SNX3: variants seen among roughly 807,000 people sequenced by gnomAD.
The protein encoded by SNX3 is sorting nexin-3.
In SNX3, 5 loss-of-function variants were observed where a neutral mutation model predicts 17.7. The ratio of observed to expected loss-of-function variants is 0.28; its 90% CI spans 0.15 to 0.59. The LOEUF is 0.59. Among genes scored for constraint, SNX3 ranks in the 20% least tolerant of loss-of-function variants. The pLI, the probability that SNX3 is intolerant of heterozygous loss-of-function variation, is 0.88. For missense variants in SNX3, 132 were observed against 206.8 expected (o/e 0.64, Z 2.22); for synonymous variants, 91 against 76.5 (o/e 1.19, Z -0.99).
Position 108,222,977 on chromosome 6 carries a change from C to A in SNX3, c.231G>T (p.Leu77=). ...TGCTCTCTCTTTCTAATTCACTTCG[C>A]AGCCATTCAAAGTCACTGTATCTTC... The part of the protein sequence containing the change: ...VRRRYSDFEW[L]RSELERESKV... The change falls in exon 2 of 4, where the codon CTG becomes CTT. Residue 77 remains leucine (L), a synonymous_variant. Transcript: ENST00000230085. The A allele has an allele frequency of 6.2e-7, 1 of 1,606,666 alleles. No individual in the cohort carries two copies. The highest frequency in any genetic ancestry group is 2.2e-5 in the East Asian group (1 of 44,810).
At chr6:108,238,093 T>G (rs1582493711) in intron 1 of SNX3, among the ~76,000 whole-genome samples, 1 of 109,662 alleles carries the variant, frequency 9.1e-6, no homozygotes, top group Non-Finnish European at 1.8e-5. Flanking sequence ...CAAAGTGAGA[T>G]CCTGTCTCAA....
chr6:108,257,241 G>C (rs6911477), intron 1 of SNX3, among the ~76,000 whole-genome samples: 2,170 of 152,326 alleles, frequency 0.014, 47 homozygotes, highest in African/African-American at 0.049. Context: ...TTGCAGGGCT[G>C]GGTGAGGTGG....
At chr6:108,221,390 G>C (rs1484331494) in intron 2 of SNX3, among the ~76,000 whole-genome samples, 1 of 151,610 alleles carries the variant, frequency 6.6e-6, no homozygotes, top group Non-Finnish European at 1.5e-5. Flanking sequence ...CACCATAAAA[G>C]AGGGGACCTT....
chr6:108,224,269 A>C (rs1050023327), intron 1 of SNX3, among the ~76,000 whole-genome samples: 1 of 151,920 alleles, frequency 6.6e-6, no homozygotes, highest in Non-Finnish European at 1.5e-5. Flanking sequence ...GTGCTGGCTC[A>C]CTTAACTACT....
chr6:108,226,352 G>A (rs1252602333), intron 1 of SNX3, among the ~76,000 whole-genome samples: 1 of 152,136 alleles, frequency 6.6e-6, no homozygotes, highest in East Asian at 1.9e-4. Flanking sequence ...GGGATTACAG[G>A]CATGAGCCAC....
At chr6:108,215,945 T>A (rs1207322027) in intron 2 of SNX3, among the ~76,000 whole-genome samples, 1 of 152,140 alleles carries the variant, frequency 6.6e-6, no homozygotes, top group African/African-American at 2.4e-5. Flanking sequence ...AATAAATTTT[T>A]AAAAATGTTA....
intron 1 of SNX3, among the ~76,000 whole-genome samples, chr6:108,230,804 G>T (rs1314713070): frequency 6.6e-6 from 1 of 152,086 alleles, no homozygotes; most frequent in Non-Finnish European, 1.5e-5. Flanking sequence ...AAAGAGCAGA[G>T]AACTGTAATT....
At chr6:108,246,356 G>A (rs1187028384) in intron 1 of SNX3, among the ~76,000 whole-genome samples, 1 of 111,196 alleles carries the variant, frequency 9.0e-6, no homozygotes, top group African/African-American at 3.6e-5. Context: ...ATAGGGTCAT[G>A]CTCTGTTGCC....
chr6:108,240,242 G>T (rs576803984), intron 1 of SNX3, among the ~76,000 whole-genome samples: 1 of 152,246 alleles, frequency 6.6e-6, no homozygotes, highest in South Asian at 2.1e-4. Context: ...TTTTGAGAAG[G>T]AGTCTCGCTC....
At chr6:108,232,898 A>G (rs1582486623) in intron 1 of SNX3, among the ~76,000 whole-genome samples, 1 of 152,228 alleles carries the variant, frequency 6.6e-6, no homozygotes, top group East Asian at 1.9e-4. Flanking sequence ...ACCTAGATGA[A>G]CTCTTAATAA....
intron 2 of SNX3, chr6:108,222,442 C>T: frequency 2.2e-6 from 2 of 894,588 alleles, no homozygotes; most frequent in Non-Finnish European, 3.1e-6. Flanking sequence ...GGCAGCAACC[C>T]ATTAGTGGAT....
intron 1 of SNX3, among the ~76,000 whole-genome samples, chr6:108,246,521 G>T (rs1381648073): frequency 1.3e-5 from 2 of 150,700 alleles, no homozygotes; most frequent in Non-Finnish European, 3.0e-5. Flanking sequence ...GTAGACATGG[G>T]GTTTCACCAT....
intron 1 of SNX3, among the ~76,000 whole-genome samples, chr6:108,235,341 A>G (rs1245765485): frequency 6.6e-6 from 1 of 152,234 alleles, no homozygotes; most frequent in Non-Finnish European, 1.5e-5. Context: ...TATCTCAAAA[A>G]TAAATCCTCC....
At chr6:108,242,775 A>C (rs1300279018) in intron 1 of SNX3, among the ~76,000 whole-genome samples, 1 of 152,214 alleles carries the variant, frequency 6.6e-6, no homozygotes, top group Non-Finnish European at 1.5e-5. Context: ...TCTTGACTTA[A>C]TTAGGTGAGC....
chr6:108,259,005 T>C (rs910581809), intron 1 of SNX3, among the ~76,000 whole-genome samples: 3 of 151,946 alleles, frequency 2.0e-5, no homozygotes, highest in Non-Finnish European at 2.9e-5. Flanking sequence ...TATGGAAGTA[T>C]AGAAACAAGA....
intron 2 of SNX3, among the ~76,000 whole-genome samples, chr6:108,221,829 G>A (rs187756436): frequency 1.3e-5 from 2 of 152,322 alleles, no homozygotes; most frequent in African/African-American, 4.8e-5. Context: ...ACAGGCGTAA[G>A]CCACTGCACC....
chr6:108,239,332 G>C (rs1562432779), intron 1 of SNX3, among the ~76,000 whole-genome samples: 1 of 151,988 alleles, frequency 6.6e-6, no homozygotes, highest in Non-Finnish European at 1.5e-5. Context: ...TCTCTAATCT[G>C]AGTTTTACCA....
intron 1 of SNX3, among the ~76,000 whole-genome samples, chr6:108,227,825 T>G (rs518416): frequency 0.1 from 15,445 of 151,958 alleles, 1,011 homozygotes; most frequent in African/African-American, 0.19. Flanking sequence ...GTTTTTTTTT[T>G]TTGTTGTTGT....
intron 1 of SNX3, among the ~76,000 whole-genome samples, chr6:108,254,291 C>A (rs1280535038): frequency 6.6e-6 from 1 of 151,592 alleles, no homozygotes; most frequent in Admixed American, 6.6e-5. Flanking sequence ...ATGGAGAAAC[C>A]CTGTCTCTAC....
Sources: gnomAD v4.1 joint callset for allele counts (sites outside exome capture counted in the v4.1 genomes callset) on GRCh38, gnomAD v4.1.1 for gene constraint, MANE v1.5 for transcripts, NCBI Gene and HGNC (gene_info 2026-07-23, HGNC 2026-07-21) for gene names.